SYMPK: variants seen among roughly 807,000 people sequenced by gnomAD.
SYMPK encodes the protein symplekin.
SYMPK carries 49 observed loss-of-function variants against 136.4 expected under a neutral mutation model. The ratio of observed to expected loss-of-function variants is 0.36; its 90% CI spans 0.29 to 0.46. SYMPK has a LOEUF of 0.46. SYMPK is among the 20% of genes least tolerant of loss of function. The pLI, the probability that SYMPK is intolerant of heterozygous loss-of-function variation, is 1.00. For missense variants in SYMPK, 1,365 were observed against 1,690.0 expected (o/e 0.81, Z 3.37); for synonymous variants, 766 against 713.0 (o/e 1.07, Z -1.19).
At position 45,849,081 on chromosome 19, in the gene SYMPK, C is replaced by G. The variant is rs564220745; in HGVS notation, c.300-205G>C. Reference sequence around the variant, plus strand: ...TAGACTGGTCCTGTAACACCAACTCCTTTGCTCTCTCAGGGCCCTGCTGTT... The same window carrying G: ...TAGACTGGTCCTGTAACACCAACTCGTTTGCTCTCTCAGGGCCCTGCTGTT... On this transcript the variant is annotated intron_variant, in intron 5 of 26. Transcript: ENST00000245934. 2.0e-5 allele frequency among the ~76,000 whole-genome samples: 3 copies of G among 152,180 alleles called. No homozygotes were observed. The South Asian group carries it at 6.2e-4, about 32-fold the overall frequency.
intron 8 of SYMPK, among the ~76,000 whole-genome samples, chr19:45,843,323 G>A (rs1199060822): frequency 3.9e-5 from 6 of 152,056 alleles, no homozygotes; most frequent in Admixed American, 3.9e-4. Flanking sequence ...GCAGATCCAC[G>A]ACCTGTACGC....
chr19:45,827,823 G>A lies in SYMPK; in HGVS notation c.2067+14C>T. The A allele has an allele frequency of 6.2e-7, 1 of 1,613,752 alleles. No homozygotes were observed. Among genetic ancestry groups the A allele is most frequent in the Non-Finnish European group, 8.5e-7 (1 of 1,179,820 alleles). ...CCCCTGCCCCGGGCTGCACTGACCAGGGCCTGTCCTCACCTCATCCTCGCA... is the reference window on the plus strand; with the variant it reads ...CCCCTGCCCCGGGCTGCACTGACCAAGGCCTGTCCTCACCTCATCCTCGCA... On this transcript the variant is annotated intron_variant, in intron 15 of 26. Coordinates refer to ENST00000245934, the MANE Select transcript of SYMPK (RefSeq NM_004819.3).
chr19:45,833,767 G>A (rs962690795), intron 11 of SYMPK, among the ~76,000 whole-genome samples: 8 of 152,206 alleles, frequency 5.3e-5, no homozygotes, highest in African/African-American at 1.7e-4. Context: ...GAAACTTTCT[G>A]AGTCTCAACA....
chr19:45,861,230 C>T (rs139502050), intron 1 of SYMPK, among the ~76,000 whole-genome samples: 2 of 152,186 alleles, frequency 1.3e-5, no homozygotes, highest in African/African-American at 4.8e-5. Context: ...ATAAACATTT[C>T]CACTTTTTTC....
intron 1 of SYMPK, chr19:45,854,877 T>TAC: frequency 5.2e-6 from 1 of 193,002 alleles, no homozygotes. Flanking sequence ...ACAGCAAACT[T>TAC]TCTTTTTTTT....
chr19:45,857,733 C>T (rs1487775286), intron 1 of SYMPK, among the ~76,000 whole-genome samples: 2 of 151,656 alleles, frequency 1.3e-5, no homozygotes, highest in Non-Finnish European at 2.9e-5. Flanking sequence ...CCTCGTGATC[C>T]GCCCGCCTTG....
At position 45,818,295 on chromosome 19, in the gene SYMPK, G is replaced by A. The variant is rs539174695; in HGVS notation, c.2894-149C>T. On this transcript the variant is annotated intron_variant, in intron 22 of 26. Transcript: ENST00000245934. ...CCTGCGGGAGAGAGGAGACTCCCCCGACCCAGCAGAAGGCACACTGCAAGC... is the reference window on the plus strand; with the variant it reads ...CCTGCGGGAGAGAGGAGACTCCCCCAACCCAGCAGAAGGCACACTGCAAGC... 1.6e-3 allele frequency: 1,262 copies of A among 772,326 alleles called. 5 individuals are homozygous for A. Among genetic ancestry groups the A allele is most frequent in the Middle Eastern group, 2.3e-3 (6 of 2,564 alleles). The allele number at this position is 772,326 out of a possible 1,614,324, so 47.8% of individuals were successfully genotyped here.
intron 1 of SYMPK, among the ~76,000 whole-genome samples, chr19:45,859,707 T>A (rs186808496): frequency 2.0e-5 from 3 of 151,996 alleles, no homozygotes; most frequent in Non-Finnish European, 4.4e-5. Context: ...GGTGGGAGGA[T>A]GGCTTGAGGC....
chr19:45,842,368 G>A lies in SYMPK; in HGVS notation c.969C>T (p.Thr323=). The part of the protein sequence containing the change: ...ASLEFQAQIT[T]LLVDLGTPQA... Reference sequence around the variant, plus strand: ...GAGGTGTGCCCAGGTCCACCAGCAGGGTGGTGATCTGGGCCTGGAACTCCA... The same window carrying A: ...GAGGTGTGCCCAGGTCCACCAGCAGAGTGGTGATCTGGGCCTGGAACTCCA... Residue 323 remains threonine, a synonymous_variant, in exon 9 of 27, where the codon ACC becomes ACT. Transcript: ENST00000245934. 6.2e-7 allele frequency: 1 copy of A among 1,614,194 alleles called. No individual in the cohort carries two copies.
intron 9 of SYMPK, among the ~76,000 whole-genome samples, 186 bp downstream of exon 9, chr19:45,842,064 G>A (rs774639091): frequency 1.5e-4 from 23 of 151,770 alleles, no homozygotes; most frequent in Non-Finnish European, 3.4e-4. Flanking sequence ...CTTGAACCCC[G>A]GCCTCAAGTG....
intron 7 of SYMPK, among the ~76,000 whole-genome samples, chr19:45,847,117 A>C (rs62109854): frequency 0.32 from 48,813 of 151,754 alleles, 8,008 homozygotes; most frequent in Non-Finnish European, 0.35. Flanking sequence ...TATAATTTGC[A>C]GTTAAGAAAA....
chr19:45,842,825 C>G, intron 8 of SYMPK: 1 of 277,832 alleles, frequency 3.6e-6, no homozygotes, highest in Non-Finnish European at 6.9e-6. Flanking sequence ...AAACCCCCAA[C>G]TGAACTGCTG....
At chr19:45,817,292 A>C (rs1171764054) in intron 23 of SYMPK, among the ~76,000 whole-genome samples, 1 of 151,982 alleles carries the variant, frequency 6.6e-6, no homozygotes, top group Non-Finnish European at 1.5e-5. Context: ...CCAGGGGGCG[A>C]AATTACCCCT....
chr19:45,827,483 C>T lies in SYMPK; in HGVS notation c.2181+27G>A, dbSNP rs376001229. 25 of 1,575,812 alleles carry T rather than the reference C, an allele frequency of 1.6e-5. No homozygotes were observed. The African/African-American group carries it at 3.0e-4, about 19-fold the overall frequency. On this transcript the variant is annotated intron_variant, in intron 16 of 26. Transcript: ENST00000245934. ...GCCTCTGCAAGCTGCAGGCTGAGGG[C>T]AGCCAGGAAGTGGAGGAGGGGATCA...
chr19:45,830,156 C>G lies in SYMPK; in HGVS notation c.1647G>C (p.Val549=). 6.2e-7 allele frequency: 1 copy of G among 1,607,440 alleles called. No individual in the cohort carries two copies. Among genetic ancestry groups the G allele is most frequent in the Non-Finnish European group, 8.5e-7 (1 of 1,176,526 alleles). Residue 549 remains valine (V), a synonymous_variant, in exon 13 of 27, where the codon GTG becomes GTC. Coordinates refer to ENST00000245934, the MANE Select transcript of SYMPK (RefSeq NM_004819.3). ...GRKKIFRLSD[V]LKPLTDAQVE... ...CCTGGGCATCGGTAAGGGGCTTCAG[C>G]ACGTCGCTGAGACGGAAAATTTTCT...
intron 1 of SYMPK, among the ~76,000 whole-genome samples, chr19:45,860,490 C>T (rs934352953): frequency 4.1e-5 from 2 of 48,770 alleles, no homozygotes; most frequent in Non-Finnish European, 8.6e-5. Context: ...AAAACCCACA[C>T]ACACAGAGAG....
At position 45,847,842 on chromosome 19, in the gene SYMPK, G is replaced by T. The variant is rs1326891344; in HGVS notation, c.586C>A (p.Pro196Thr). ...GGTATCTCTGAGTCAGCCATGCGGGGTGACAGGGTGACAATGAGGCCCTCC... is the reference window on the plus strand; with the variant it reads ...GGTATCTCTGAGTCAGCCATGCGGGTTGACAGGGTGACAATGAGGCCCTCC... Reference protein sequence around the residue: ...FVEGLIVTLSPRMADSEIPRR... With the variant: ...FVEGLIVTLSTRMADSEIPRR... Residue 196 changes from proline (P) to threonine (T), a missense_variant, in exon 7 of 27, where the codon CCC becomes ACC. Around this residue, in one of 11 missense-constraint regions of SYMPK, gnomAD observed 237 missense variants for 292.9 expected, o/e 0.81. Transcript: ENST00000245934. The T allele has an allele frequency of 6.2e-7, 1 of 1,613,950 alleles. No individual in the cohort carries two copies. Among genetic ancestry groups the T allele is most frequent in the Non-Finnish European group, 8.5e-7 (1 of 1,180,024 alleles).
chr19:45,851,116 G>C (rs938276426), intron 5 of SYMPK, among the ~76,000 whole-genome samples: 1 of 152,176 alleles, frequency 6.6e-6, no homozygotes, highest in Non-Finnish European at 1.5e-5. Flanking sequence ...GCTGGGGTCT[G>C]AGAGCAGGGG....
At chr19:45,844,318 G>C in intron 7 of SYMPK, 118 bp from the exon 8 acceptor site, 1 of 746,820 alleles carries the variant, frequency 1.3e-6, no homozygotes, top group Non-Finnish European at 2.0e-6. Flanking sequence ...TATGAATGGC[G>C]GGAAAAACAG....
Sources: allele counts gnomAD v4.1 joint callset (sites outside exome capture counted in the v4.1 genomes callset), GRCh38; gene constraint gnomAD v4.1.1; regional missense constraint gnomAD v4.1.1; transcripts MANE v1.5; gene names NCBI Gene and HGNC (gene_info 2026-07-23, HGNC 2026-07-21).